The following FGD4 variants were observed in gnomAD, a reference collection of about 807,000 sequenced individuals.
The protein encoded by FGD4 is FYVE, RhoGEF and PH domain containing 4.
FGD4 carries 42 observed loss-of-function variants against 102.0 expected under a neutral mutation model. That is an observed-to-expected ratio of 0.41 (90% CI 0.32 to 0.53). FGD4 has a LOEUF of 0.53. Among genes scored for constraint, FGD4 ranks in the 20% least tolerant of loss-of-function variants. The pLI is 0.21. For synonymous variants in FGD4, 380 were observed against 375.7 expected (o/e 1.01, Z -0.13); for missense variants, 902 against 1,078.2 (o/e 0.84, Z 2.29).
At chr12:32,602,905 C>A (rs960450551) in intron 7 of FGD4, among the ~76,000 whole-genome samples, 10 of 152,220 alleles carry the variant, frequency 6.6e-5, no homozygotes, top group African/African-American at 2.4e-4. Flanking sequence ...TCTTTTGTGT[C>A]ATATGAATTT....
chr12:32,595,632 C>T (rs975040820), intron 4 of FGD4, among the ~76,000 whole-genome samples: 2 of 152,126 alleles, frequency 1.3e-5, no homozygotes, highest in Non-Finnish European at 2.9e-5. Context: ...GTCTGTTTCC[C>T]TAGAGGAACT....
intron 1 of FGD4, among the ~76,000 whole-genome samples, chr12:32,496,819 G>A (rs1447452416): frequency 6.6e-6 from 1 of 152,134 alleles, no homozygotes; most frequent in African/African-American, 2.4e-5. Flanking sequence ...GTGGAAGGCA[G>A]GGCCTAGGTG....
At chr12:32,480,168 T>C in intron 1 of FGD4, among the ~76,000 whole-genome samples, 1 of 150,298 alleles carries the variant, frequency 6.7e-6, no homozygotes, top group Admixed American at 6.7e-5. Context: ...TTTTTTTGTT[T>C]TTTTTGTTTT....
chr12:32,625,927 G>T (rs1416222229), intron 14 of FGD4, 148 bp downstream of exon 14: 60 of 1,076,390 alleles, frequency 5.6e-5, no homozygotes, highest in Non-Finnish European at 8.2e-5. Flanking sequence ...ACTGTGCTGA[G>T]CCCTGGAGAA....
At chr12:32,534,609 A>C (rs1297212575) in intron 1 of FGD4, 1 of 605,618 alleles carries the variant, frequency 1.7e-6, no homozygotes, top group Non-Finnish European at 2.5e-6. Context: ...TTTTCTTTTA[A>C]AGTTAATAAA....
At chr12:32,409,348 G>A (rs1481185936) in intron 1 of FGD4, among the ~76,000 whole-genome samples, 2 of 149,002 alleles carry the variant, frequency 1.3e-5, no homozygotes, top group African/African-American at 5.0e-5. Context: ...GAGTGCAATG[G>A]TGCGATCTCC....
At chr12:32,469,640 T>G (rs1943362044) in intron 1 of FGD4, among the ~76,000 whole-genome samples, 1 of 151,574 alleles carries the variant, frequency 6.6e-6, no homozygotes, top group South Asian at 2.1e-4. Context: ...TACAGTTTGT[T>G]TAAACCAATT....
intron 1 of FGD4, among the ~76,000 whole-genome samples, chr12:32,511,545 G>T (rs893055851): frequency 3.3e-5 from 5 of 151,868 alleles, no homozygotes; most frequent in African/African-American, 1.2e-4. Flanking sequence ...TTCGTGATCC[G>T]CCCGCCTCGG....
intron 1 of FGD4, among the ~76,000 whole-genome samples, chr12:32,472,255 G>A (rs897539345): frequency 3.9e-5 from 6 of 152,226 alleles, no homozygotes; most frequent in Non-Finnish European, 8.8e-5. Flanking sequence ...GGCCAAGGCC[G>A]GAGCCCACTC....
chr12:32,581,615 T>G (rs772952141), intron 3 of FGD4, among the ~76,000 whole-genome samples: 2 of 152,192 alleles, frequency 1.3e-5, no homozygotes, highest in Non-Finnish European at 2.9e-5. Flanking sequence ...TCTAACTAAG[T>G]CTTTACTAAC....
At chr12:32,490,141 T>C (rs1944038965) in intron 1 of FGD4, among the ~76,000 whole-genome samples, 1 of 152,178 alleles carries the variant, frequency 6.6e-6, no homozygotes, top group African/African-American at 2.4e-5. Flanking sequence ...TGATGAGAAG[T>C]AGGAGTGAAG....
At chr12:32,458,120 T>G (rs1942997191) in intron 1 of FGD4, among the ~76,000 whole-genome samples, 1 of 151,886 alleles carries the variant, frequency 6.6e-6, no homozygotes. Context: ...AACAGCCAAT[T>G]TTTTTTGTAG....
Position 32,584,595 on chromosome 12 carries a change from CCT to C in FGD4, c.1011+2130_1011+2131del, listed in dbSNP as rs528383711. On this transcript the variant is annotated intron_variant, in intron 4 of 16. Transcript: ENST00000534526. ...CCCTATCTTCATGTTGTAACCCCCCCCTCCCAAAAAAAAAGAAAAATCTTAAG... is the reference window on the plus strand; with the variant it reads ...CCCTATCTTCATGTTGTAACCCCCCCCCCAAAAAAAAAGAAAAATCTTAAG... Among the ~76,000 whole-genome samples the C allele has an allele frequency of 5.0e-3, 748 of 150,902 alleles. 5 individuals are homozygous for C. The highest frequency in any genetic ancestry group is 0.017 in the African/African-American group (702 of 40,652).
intron 1 of FGD4, among the ~76,000 whole-genome samples, chr12:32,437,832 A>T (rs1246243162): frequency 6.6e-6 from 1 of 152,162 alleles, no homozygotes; most frequent in Non-Finnish European, 1.5e-5. Flanking sequence ...ATTCTTGGCC[A>T]CTGGGAAAAT....
intron 2 of FGD4, 71 bp from the exon 3 acceptor site, chr12:32,576,195 A>G: frequency 1.4e-6 from 2 of 1,478,598 alleles, no homozygotes; most frequent in Admixed American, 2.0e-5. Context: ...TTTTGCACCC[A>G]GGACACCAGA....
chr12:32,551,109 G>A (rs1943635475), intron 1 of FGD4, among the ~76,000 whole-genome samples: 1 of 152,180 alleles, frequency 6.6e-6, no homozygotes, highest in Non-Finnish European at 1.5e-5. Flanking sequence ...CCAGAGAGTA[G>A]CAGAGGCATT....
rs113159232 is a variant in FGD4, at chr12:32,573,586, A to G, written c.320-2680A>G. On this transcript the variant is annotated intron_variant, in intron 2 of 16. Coordinates refer to ENST00000534526, the MANE Select transcript of FGD4 (RefSeq NM_001370298.3). ...ACATTATAAATGATGAACAAGTGAT[A>G]GAATTTTTTCTAAGACAGTGTGTCT... Among the ~76,000 whole-genome samples, 325 of 152,364 alleles carry G rather than the reference A, an allele frequency of 2.1e-3. 2 individuals are homozygous for G. The highest frequency in any genetic ancestry group is 7.5e-3 in the African/African-American group (311 of 41,590).
rs1345562084 is a variant in FGD4, at chr12:32,399,586, A to T, written c.-208A>T. ...GATACCGAGACGCTGCGACTGCCGCAGGAGTCGCCGCAGCCAAACTCGCCG... is the reference window on the plus strand; with the variant it reads ...GATACCGAGACGCTGCGACTGCCGCTGGAGTCGCCGCAGCCAAACTCGCCG... On this transcript the variant is annotated 5_prime_UTR_variant, in exon 1 of 17. Transcript: ENST00000534526. 10 of 1,264,484 alleles carry T rather than the reference A, an allele frequency of 7.9e-6. No homozygotes were observed. Among genetic ancestry groups the T allele is most frequent in the Admixed American group, 3.2e-5 (1 of 31,712 alleles). The allele number at this position is 1,264,484 out of a possible 1,614,324, so 78.3% of individuals were successfully genotyped here.
chr12:32,407,147 CAG>C (rs1275596874), intron 1 of FGD4, among the ~76,000 whole-genome samples: 1 of 101,974 alleles, frequency 9.8e-6, no homozygotes, highest in South Asian at 3.2e-4. Context: ...TTTTTTGAGA[CAG>C]AGTCTCACTC....
Sources: gnomAD v4.1 joint callset for allele counts (sites outside exome capture counted in the v4.1 genomes callset) on GRCh38, gnomAD v4.1.1 for gene constraint, MANE v1.5 for transcripts, NCBI Gene and HGNC (gene_info 2026-07-23, HGNC 2026-07-21) for gene names.